The following ASAP1 variants were observed in gnomAD, a reference collection of about 807,000 sequenced individuals.
ASAP1 encodes the protein arf-GAP with SH3 domain, ANK repeat and PH domain-containing protein 1.
In ASAP1, 43 loss-of-function variants were observed where a neutral mutation model predicts 145.2. The observed-to-expected ratio is 0.30, with a 90% CI of 0.23 to 0.38. ASAP1 has a LOEUF of 0.38. Ranked by LOEUF, ASAP1 falls within the 10% of genes least tolerant of loss-of-function variation. ASAP1 has a pLI of 1.00. For synonymous variants in ASAP1, 546 were observed against 515.5 expected (o/e 1.06, Z -0.80); for missense variants, 1,018 against 1,355.3 (o/e 0.75, Z 3.91).
At chr8:130,105,254 C>A (rs552100224) in intron 24 of ASAP1, among the ~76,000 whole-genome samples, 13 of 152,160 alleles carry the variant, frequency 8.5e-5, no homozygotes, top group African/African-American at 3.1e-4. Context: ...GTATAGCAAC[C>A]ATTTACATAG....
chr8:130,436,284 C>T (rs188922118), intron 1 of ASAP1, among the ~76,000 whole-genome samples: 4 of 152,206 alleles, frequency 2.6e-5, no homozygotes, highest in East Asian at 1.9e-4. Context: ...ACAGGAGGTC[C>T]GCTTGAAACT....
chr8:130,241,477 C>A (rs1818523646), intron 3 of ASAP1, among the ~76,000 whole-genome samples: 1 of 151,994 alleles, frequency 6.6e-6, no homozygotes, highest in Admixed American at 6.6e-5. Context: ...AGTAGATGCT[C>A]AAAAATGCTT....
intron 2 of ASAP1, among the ~76,000 whole-genome samples, chr8:130,376,458 T>C (rs990605366): frequency 7.1e-5 from 9 of 127,056 alleles, no homozygotes; most frequent in African/African-American, 2.9e-4. Flanking sequence ...CCTGGCACGG[T>C]GGCTCACGCC....
chr8:130,331,515 G>T (rs1406186020), intron 3 of ASAP1, among the ~76,000 whole-genome samples: 5 of 152,162 alleles, frequency 3.3e-5, no homozygotes, highest in Non-Finnish European at 7.4e-5. Context: ...AATCTGGCAG[G>T]CATGAAATCC....
At chr8:130,285,599 C>G (rs1230772892) in intron 3 of ASAP1, among the ~76,000 whole-genome samples, 1 of 152,154 alleles carries the variant, frequency 6.6e-6, no homozygotes, top group Non-Finnish European at 1.5e-5. Context: ...AATTGTAACT[C>G]TGACATCTTT....
intron 15 of ASAP1, among the ~76,000 whole-genome samples, chr8:130,133,307 T>C (rs1032365309): frequency 2.6e-5 from 4 of 152,100 alleles, no homozygotes; most frequent in African/African-American, 9.7e-5. Flanking sequence ...GCTAGCATTT[T>C]AAAAAAGGGA....
chr8:130,213,251 T>C (rs933561126), intron 5 of ASAP1, among the ~76,000 whole-genome samples: 1 of 152,268 alleles, frequency 6.6e-6, no homozygotes, highest in Non-Finnish European at 1.5e-5. Flanking sequence ...TGTTCGATAT[T>C]TATTTTCTTT....
chr8:130,214,816 T>C, intron 4 of ASAP1, 115 bp from the exon 5 acceptor site: 1 of 856,088 alleles, frequency 1.2e-6, no homozygotes, highest in Non-Finnish European at 1.8e-6. Context: ...CTGTATCAAT[T>C]ATTTATTGCA....
chr8:130,074,478 CACACACACAG>C (rs1482328368), intron 27 of ASAP1, among the ~76,000 whole-genome samples: 3 of 149,530 alleles, frequency 2.0e-5, no homozygotes, highest in South Asian at 2.2e-4. Flanking sequence ...CACACACACA[CACACACACAG>C]AGAGAACGAG....
rs557530762 is a variant in ASAP1 at position 130,139,939 on chromosome 8, C to A, written c.1081-2901G>T. 1.8e-3 allele frequency among the ~76,000 whole-genome samples: 267 copies of A among 147,524 alleles called. 2 individuals carry two copies. The highest frequency in any genetic ancestry group is 2.7e-3 in the Non-Finnish European group (183 of 66,808). On this transcript the variant is annotated intron_variant, in intron 13 of 29. Coordinates refer to ENST00000518721, the MANE Select transcript of ASAP1 (RefSeq NM_018482.4). ...ACAAATCTTAAAAAAAAAAAAACAA[C>A]AAAAAAACACCATACACTCAGCTGA...
chr8:130,074,059 C>G (rs2097456224), intron 27 of ASAP1, among the ~76,000 whole-genome samples: 1 of 151,854 alleles, frequency 6.6e-6, no homozygotes, highest in Non-Finnish European at 1.5e-5. Context: ...AGAGACAAAT[C>G]AATCAACTCT....
chr8:130,177,087 C>T (rs544456573), intron 9 of ASAP1, among the ~76,000 whole-genome samples: 1 of 152,334 alleles, frequency 6.6e-6, no homozygotes, highest in Admixed American at 6.5e-5. Flanking sequence ...GGACAATTAA[C>T]TCCTGAGCGG....
In ASAP1 at chr8:130,257,388, T is replaced by C. The variant is rs141241638; in HGVS notation, c.187-20394A>G. On this transcript the variant is annotated intron_variant, in intron 3 of 29. Coordinates refer to ENST00000518721, the MANE Select transcript of ASAP1 (RefSeq NM_018482.4). ...CAAAACCAGTCACAATCCAACTACATTTATTTACATAGTTTGGCTAATGTT... is the reference window on the plus strand; with the variant it reads ...CAAAACCAGTCACAATCCAACTACACTTATTTACATAGTTTGGCTAATGTT... Among the ~76,000 whole-genome samples the C allele has an allele frequency of 1.8e-4, 28 of 152,280 alleles. 1 individual carries two copies. In the East Asian group the frequency reaches 5.4e-3, roughly 29 times the overall value.
chr8:130,416,587 A>C (rs1829484489), intron 1 of ASAP1, among the ~76,000 whole-genome samples: 1 of 152,238 alleles, frequency 6.6e-6, no homozygotes, highest in Non-Finnish European at 1.5e-5. Context: ...GCTGTAAACT[A>C]GATTTCTCTT....
chr8:130,442,006 A>G (rs907685155), intron 1 of ASAP1, among the ~76,000 whole-genome samples: 2 of 152,190 alleles, frequency 1.3e-5, no homozygotes, highest in Admixed American at 6.5e-5. Flanking sequence ...AATTCCCCGT[A>G]TAATAAGCCA....
At chr8:130,339,086 G>A (rs983386593) in intron 3 of ASAP1, among the ~76,000 whole-genome samples, 2 of 152,180 alleles carry the variant, frequency 1.3e-5, no homozygotes, top group Non-Finnish European at 2.9e-5. Context: ...GAATCCTAAG[G>A]AAACTTAAAT....
chr8:130,143,552 C>T (rs1339709371), intron 13 of ASAP1, among the ~76,000 whole-genome samples: 1 of 151,998 alleles, frequency 6.6e-6, no homozygotes, highest in East Asian at 1.9e-4. Context: ...CAAACCTATT[C>T]AAGTTTTTGA....
At chr8:130,432,139 G>A (rs79521734) in intron 1 of ASAP1, among the ~76,000 whole-genome samples, 2,409 of 128,156 alleles carry the variant, frequency 0.019, 74 homozygotes, top group African/African-American at 0.067. Context: ...GAGGAAGATG[G>A]GGGAACAGAG....
intron 2 of ASAP1, among the ~76,000 whole-genome samples, chr8:130,379,953 CT>C (rs1162298183): frequency 6.6e-6 from 1 of 152,198 alleles, no homozygotes; most frequent in African/African-American, 2.4e-5. Context: ...GGTCTAGAGG[CT>C]GCAGGAGACT....
Sources: gnomAD v4.1 joint callset for allele counts (sites outside exome capture counted in the v4.1 genomes callset) on GRCh38, gnomAD v4.1.1 for gene constraint, MANE v1.5 for transcripts, NCBI Gene and HGNC (gene_info 2026-07-23, HGNC 2026-07-21) for gene names.